PIGN: variants seen among roughly 807,000 people sequenced by gnomAD.
PIGN encodes the protein phosphatidylinositol glycan anchor biosynthesis class N.
Under a neutral mutation model 125.4 loss-of-function variants are expected in PIGN, and 117 were observed. The observed-to-expected ratio is 0.93, with a 90% CI of 0.80 to 1.09. The LOEUF (loss-of-function observed/expected upper bound fraction) is 1.09. Ranked by LOEUF, PIGN falls within the 50% of genes least tolerant of loss-of-function variation. PIGN has a pLI of 0.00. For missense variants in PIGN, 1,075 were observed against 1,094.9 expected (o/e 0.98, Z 0.26); for synonymous variants, 392 against 377.8 (o/e 1.04, Z -0.44).
intron 20 of PIGN, chr18:62,103,663 G>A (rs111483866): frequency 2.4e-4 from 37 of 152,266 alleles, no homozygotes; most frequent in African/African-American, 8.7e-4. Context: ...ATAGAACTAA[G>A]AGAAAAGGAA....
At chr18:62,020,259 T>G (rs1215275494) in intron 23 of PIGN, among the ~76,000 whole-genome samples, 1 of 152,148 alleles carries the variant, frequency 6.6e-6, no homozygotes, top group Non-Finnish European at 1.5e-5. Context: ...AAACCAACAC[T>G]GGGAACTACC....
At chr18:62,154,334 G>A (rs994012359) in intron 7 of PIGN, 2 of 495,122 alleles carry the variant, frequency 4.0e-6, no homozygotes, top group Non-Finnish European at 3.5e-6. Flanking sequence ...CTAATCTAGG[G>A]CTCATTTTAC....
rs549372726 is a variant in PIGN, at chr18:62,046,090, C to G, written c.2673-111G>C. On this transcript the variant is annotated intron_variant, in intron 30 of 30. Transcript: ENST00000640252. ...AGATGAAAATCTCCACTTTCAGGAG[C>G]TGGAGTGGGTGTTCTTTACCTTATT... is the stretch of plus-strand genomic sequence containing the variant. The G allele has an allele frequency of 1.7e-4, 192 of 1,105,572 alleles. 6 individuals carry two copies. In the South Asian group the frequency reaches 2.7e-3, roughly 16 times the overall value. 68.5% of individuals were successfully genotyped at this position (1,105,572 alleles called of 1,614,324 possible).
intron 1 of PIGN, among the ~76,000 whole-genome samples, chr18:62,183,329 G>T (rs974309162): frequency 6.6e-6 from 1 of 151,810 alleles, no homozygotes; most frequent in Non-Finnish European, 1.5e-5. Context: ...GACTAACAAG[G>T]TCTTTTATAG....
In PIGN at chr18:62,132,259, G is replaced by A. The variant is rs553493626; in HGVS notation, c.1172+5984C>T. 6.6e-5 allele frequency among the ~76,000 whole-genome samples: 10 copies of A among 152,184 alleles called. No homozygotes were observed. In the East Asian group the frequency reaches 1.3e-3, roughly 21 times the overall value. On this transcript the variant is annotated intron_variant, in intron 14 of 30. Transcript: ENST00000640252. ...AACCCACTGGACTAAAGAAATAAAG[G>A]GTCGATGGTACTCAGTAAATGGTGA...
chr18:62,060,729 CTCAA>C (rs1185929383), intron 30 of PIGN, among the ~76,000 whole-genome samples: 4 of 152,202 alleles, frequency 2.6e-5, no homozygotes, highest in African/African-American at 7.2e-5. Flanking sequence ...TCAAACTCAG[CTCAA>C]TCAAACTGAT....
intron 28 of PIGN, among the ~76,000 whole-genome samples, chr18:62,080,237 A>G (rs560913342): frequency 2.0e-5 from 3 of 152,064 alleles, no homozygotes; most frequent in Non-Finnish European, 2.9e-5. Context: ...TCCCTTTCAG[A>G]TCTTATATGG....
intron 23 of PIGN, among the ~76,000 whole-genome samples, chr18:62,032,120 T>C (rs2030201241): frequency 1.3e-5 from 2 of 152,182 alleles, no homozygotes; most frequent in Admixed American, 1.3e-4. Context: ...ACCTGGATAA[T>C]CCAGGATGAG....
chr18:62,105,345 G>A (rs1218114382), intron 20 of PIGN, 198 bp downstream of exon 20: 2 of 351,694 alleles, frequency 5.7e-6, no homozygotes, highest in Non-Finnish European at 1.1e-5. Context: ...ATGAAAGCCC[G>A]AAAGCACCTA....
chr18:62,184,056 T>C (rs1224261828), intron 1 of PIGN, among the ~76,000 whole-genome samples: 1 of 152,106 alleles, frequency 6.6e-6, no homozygotes, highest in East Asian at 1.9e-4. Flanking sequence ...AACACATAAC[T>C]ATTAAAATTT....
At chr18:62,096,016 C>T (rs958402590) in intron 22 of PIGN, 66 bp from the exon 23 acceptor site, 32 of 1,002,188 alleles carry the variant, frequency 3.2e-5, no homozygotes, top group Middle Eastern at 2.1e-4. Flanking sequence ...AGCGTAGGGC[C>T]GGGCGTGGTG....
intron 30 of PIGN, chr18:62,072,465 C>G (rs1012317039): frequency 1.3e-5 from 5 of 394,874 alleles, no homozygotes; most frequent in African/African-American, 1.0e-4. Flanking sequence ...GTTACAATTG[C>G]CTACAGTATT....
At chr18:62,082,226 G>A (rs1357787712) in intron 28 of PIGN, among the ~76,000 whole-genome samples, 2 of 152,036 alleles carry the variant, frequency 1.3e-5, no homozygotes, top group Non-Finnish European at 2.9e-5. Context: ...GAGAAACTGA[G>A]TATATTTTTG....
chr18:62,148,745 C>T (rs1232590646), intron 7 of PIGN, among the ~76,000 whole-genome samples: 1 of 152,066 alleles, frequency 6.6e-6, no homozygotes, highest in Non-Finnish European at 1.5e-5. Flanking sequence ...GACCACTTTT[C>T]ATTGTCCTGT....
At chr18:62,029,584 A>G (rs2030166432) in intron 23 of PIGN, among the ~76,000 whole-genome samples, 1 of 152,218 alleles carries the variant, frequency 6.6e-6, no homozygotes, top group Non-Finnish European at 1.5e-5. Flanking sequence ...GGTATTTAGT[A>G]CCGGTGACTG....
chr18:62,093,421 C>T (rs2034050700), intron 23 of PIGN, among the ~76,000 whole-genome samples: 1 of 151,974 alleles, frequency 6.6e-6, no homozygotes, highest in Non-Finnish European at 1.5e-5. Context: ...ATCACCGGCT[C>T]AGGGAGAACA....
chr18:62,070,408 AAG>A (rs1171395017), intron 30 of PIGN: 3 of 398,450 alleles, frequency 7.5e-6, no homozygotes, highest in Non-Finnish European at 1.3e-5. Flanking sequence ...TATGGCATGT[AAG>A]AGATTCAAAT....
At chr18:62,046,356 TGCAAA>T (rs1442216085) in intron 30 of PIGN, among the ~76,000 whole-genome samples, 15 of 151,780 alleles carry the variant, frequency 9.9e-5, no homozygotes, top group Admixed American at 9.2e-4. Context: ...AGGAACTGGC[TGCAAA>T]GCAGGAGGTG....
At chr18:62,098,891 C>T (rs970977484) in intron 22 of PIGN, among the ~76,000 whole-genome samples, 2 of 151,942 alleles carry the variant, frequency 1.3e-5, no homozygotes, top group Admixed American at 1.3e-4. Context: ...ATAATCAAAT[C>T]AATAAGGACA....
Sources: allele counts gnomAD v4.1 joint callset (sites outside exome capture counted in the v4.1 genomes callset), GRCh38; gene constraint gnomAD v4.1.1; transcripts MANE v1.5; gene names NCBI Gene and HGNC (gene_info 2026-07-23, HGNC 2026-07-21).